KCNN2: variants seen among roughly 807,000 people sequenced by gnomAD.
KCNN2 encodes potassium calcium-activated channel subfamily N member 2, also known as small conductance calcium-activated potassium channel protein 2.
A neutral mutation model predicts 55.5 loss-of-function variants in KCNN2; 24 were observed. The ratio of observed to expected loss-of-function variants is 0.43; its 90% CI spans 0.31 to 0.61. The LOEUF (loss-of-function observed/expected upper bound fraction) is 0.61. Ranked by LOEUF, KCNN2 falls within the 20% of genes least tolerant of loss-of-function variation. KCNN2 has a pLI of 0.08. For missense variants in KCNN2, 754 were observed against 853.6 expected (o/e 0.88, Z 1.45); for synonymous variants, 431 against 336.1 (o/e 1.28, Z -3.09).
intron 2 of KCNN2, among the ~76,000 whole-genome samples, chr5:114,383,607 T>C (rs1758193766): frequency 6.6e-6 from 1 of 152,024 alleles, no homozygotes; most frequent in African/African-American, 2.4e-5. Flanking sequence ...TAGCTGGGAT[T>C]ACAGGCGGGC....
chr5:114,149,793 A>G (rs904414709), intron 1 of KCNN2, among the ~76,000 whole-genome samples: 3 of 152,352 alleles, frequency 2.0e-5, no homozygotes, highest in South Asian at 2.1e-4. Flanking sequence ...GCTGGTTACA[A>G]ACAATCCATA....
At chr5:114,322,279 T>C (rs577361259) in intron 2 of KCNN2, among the ~76,000 whole-genome samples, 9 of 152,322 alleles carry the variant, frequency 5.9e-5, no homozygotes, top group African/African-American at 1.4e-4. Context: ...ATTTCATTTA[T>C]TGGAAGACAA....
chr5:114,087,784 T>C (rs1258899772), intron 1 of KCNN2, among the ~76,000 whole-genome samples: 3 of 152,134 alleles, frequency 2.0e-5, no homozygotes, highest in African/African-American at 7.2e-5. Context: ...TGTTTTATTT[T>C]TTAGTGTTTG....
intron 1 of KCNN2, among the ~76,000 whole-genome samples, chr5:114,099,787 T>C (rs1751337740): frequency 6.6e-6 from 1 of 152,162 alleles, no homozygotes; most frequent in Non-Finnish European, 1.5e-5. Flanking sequence ...AGACTGTCTA[T>C]ATAATGACCA....
chr5:114,124,894 C>CGT (rs1751900102), intron 1 of KCNN2, among the ~76,000 whole-genome samples: 1 of 152,138 alleles, frequency 6.6e-6, no homozygotes, highest in East Asian at 1.9e-4. Context: ...ATTATCACAT[C>CGT]TATCGTTAGA....
chr5:114,180,416 C>A (rs553704097), intron 1 of KCNN2, among the ~76,000 whole-genome samples: 1 of 151,978 alleles, frequency 6.6e-6, no homozygotes, highest in African/African-American at 2.4e-5. Flanking sequence ...AATTTCTTGC[C>A]TCTGTGTTTA....
chr5:114,381,321 T>C (rs1455051680), intron 2 of KCNN2, among the ~76,000 whole-genome samples: 1 of 152,220 alleles, frequency 6.6e-6, no homozygotes, highest in Non-Finnish European at 1.5e-5. Flanking sequence ...GTTGAAATCA[T>C]TGCAGGGCAT....
chr5:114,151,901 C>T (rs1232494107), intron 1 of KCNN2, among the ~76,000 whole-genome samples: 2 of 152,108 alleles, frequency 1.3e-5, no homozygotes, highest in African/African-American at 4.8e-5. Context: ...TGTGTTCATG[C>T]AATGTTAACA....
At chr5:114,085,806 A>G (rs908700320) in intron 1 of KCNN2, among the ~76,000 whole-genome samples, 2 of 152,074 alleles carry the variant, frequency 1.3e-5, no homozygotes, top group Admixed American at 1.3e-4. Flanking sequence ...TGATTCCATC[A>G]GTTACTAAAA....
At chr5:114,144,659 T>A (rs919682124) in intron 1 of KCNN2, among the ~76,000 whole-genome samples, 2 of 152,028 alleles carry the variant, frequency 1.3e-5, no homozygotes, top group East Asian at 1.9e-4. Flanking sequence ...CAAGTAACAA[T>A]TAACACAGGT....
At chr5:114,334,269 TG>T (rs1756878182) in intron 2 of KCNN2, among the ~76,000 whole-genome samples, 1 of 55,778 alleles carries the variant, frequency 1.8e-5, no homozygotes, top group African/African-American at 6.4e-5. Flanking sequence ...GATGTGTGTG[TG>T]TGTGTGTGTG....
At chr5:114,454,507 G>A (rs1760832656) in intron 3 of KCNN2, among the ~76,000 whole-genome samples, 1 of 152,164 alleles carries the variant, frequency 6.6e-6, no homozygotes, top group Non-Finnish European at 1.5e-5. Flanking sequence ...TCTTTCCTGA[G>A]AAGTTGTCCT....
At chr5:114,323,662 T>TTTTTTTTTTTTTTTTTTTTTTTTTTTC (rs1756657928) in intron 2 of KCNN2, among the ~76,000 whole-genome samples, 1 of 141,960 alleles carries the variant, frequency 7.0e-6, no homozygotes, top group Non-Finnish European at 1.5e-5. Flanking sequence ...TTTTTTTTTT[T>TTTTTTTTTTTTTTTTTTTTTTTTTTTC]TTTTTGCTGG....
At chr5:114,395,718 A>G (rs1177397017) in intron 2 of KCNN2, among the ~76,000 whole-genome samples, 1 of 152,124 alleles carries the variant, frequency 6.6e-6, no homozygotes, top group African/African-American at 2.4e-5. Flanking sequence ...ATATCTCTCA[A>G]CCTGGCAAAT....
At chr5:114,115,679 C>T (rs1751695255) in intron 1 of KCNN2, among the ~76,000 whole-genome samples, 2 of 151,640 alleles carry the variant, frequency 1.3e-5, no homozygotes, top group African/African-American at 4.8e-5. Flanking sequence ...GAAATGTTGG[C>T]CCACTGAGGG....
chr5:114,437,908 T>C (rs1343737773), intron 3 of KCNN2, among the ~76,000 whole-genome samples: 1 of 152,198 alleles, frequency 6.6e-6, no homozygotes, highest in Non-Finnish European at 1.5e-5. Context: ...TTTTCTTAAA[T>C]ATTTCTTTTT....
At chr5:114,171,951 A>G (rs192599414) in intron 1 of KCNN2, among the ~76,000 whole-genome samples, 8 of 152,002 alleles carry the variant, frequency 5.3e-5, no homozygotes, top group Admixed American at 3.3e-4. Context: ...GGTGTATAGT[A>G]TGGAGCCCTC....
intron 1 of KCNN2, among the ~76,000 whole-genome samples, chr5:114,178,014 A>C (rs567149993): frequency 6.6e-6 from 1 of 152,330 alleles, no homozygotes; most frequent in Admixed American, 6.5e-5. Flanking sequence ...CATTGTTTTT[A>C]ATTTAGTCAT....
chr5:114,159,176 C>T (rs934405771), intron 1 of KCNN2, among the ~76,000 whole-genome samples: 1 of 152,136 alleles, frequency 6.6e-6, no homozygotes, highest in Non-Finnish European at 1.5e-5. Context: ...AGATACGTCC[C>T]ATCAATACCT....
Sources: gnomAD v4.1 joint callset for allele counts (sites outside exome capture counted in the v4.1 genomes callset) on GRCh38, gnomAD v4.1.1 for gene constraint, MANE v1.5 for transcripts, NCBI Gene and HGNC (gene_info 2026-07-23, HGNC 2026-07-21) for gene names.